Variants in IRGM observed in about 807,000 individuals in gnomAD.
The protein encoded by IRGM is immunity related GTPase M.
For synonymous variants in IRGM, 98 were observed against 80.6 expected, an observed-to-expected ratio of 1.22 and a Z score of -1.16; for missense variants, 288 against 219.9, an observed-to-expected ratio of 1.31 and a Z score of -1.96.
intron 1 of IRGM, among the ~76,000 whole-genome samples, chr5:150,869,964 T>C (rs1242954815): frequency 6.6e-6 from 1 of 152,050 alleles, no homozygotes; most frequent in Non-Finnish European, 1.5e-5. Context: ...TTAAGAGGGA[T>C]TTAAAAAATA....
At chr5:150,850,655 G>A (rs570687484), downstream of IRGM, among the ~76,000 whole-genome samples, 2 of 152,252 alleles carry the variant, frequency 1.3e-5, no homozygotes, top group South Asian at 2.1e-4. Flanking sequence ...TCGAACTCAT[G>A]GTATCTTCCT....
chr5:150,856,910 A>C (rs1454810827), intron 1 of IRGM, among the ~76,000 whole-genome samples: 2 of 70,036 alleles, frequency 2.9e-5, no homozygotes, highest in African/African-American at 3.6e-4. Flanking sequence ...TAAATAAATA[A>C]ATATTTATTA....
chr5:150,856,385 C>G (rs532008219), intron 1 of IRGM, among the ~76,000 whole-genome samples: 1 of 152,072 alleles, frequency 6.6e-6, no homozygotes, highest in African/African-American at 2.4e-5. Context: ...GAGCTGAGAT[C>G]GCACCACTGC....
chr5:150,884,827 G>C (rs761067600), intron 3 of IRGM, among the ~76,000 whole-genome samples: 1 of 152,068 alleles, frequency 6.6e-6, no homozygotes, highest in Non-Finnish European at 1.5e-5. Context: ...ACCTTTGTCA[G>C]ACTCATAGTT....
intron 3 of IRGM, chr5:150,895,483 A>C: frequency 6.2e-7 from 1 of 1,613,074 alleles, no homozygotes; most frequent in South Asian, 1.1e-5. Context: ...TTCTGGATGA[A>C]GGCCTTCCCA....
intron 3 of IRGM, chr5:150,895,779 T>C (rs1428656883): frequency 6.2e-7 from 1 of 1,613,670 alleles, no homozygotes; most frequent in Admixed American, 1.7e-5. Flanking sequence ...TTCTCCAGTA[T>C]GTGTTCTCTG....
chr5:150,852,146 G>A (rs1212006032), downstream of IRGM, among the ~76,000 whole-genome samples: 1 of 152,114 alleles, frequency 6.6e-6, no homozygotes, highest in African/African-American at 2.4e-5. Flanking sequence ...TAAGTAAGCT[G>A]TATAATTTTC....
chr5:150,886,733 G>A (rs1004239451), intron 3 of IRGM, among the ~76,000 whole-genome samples: 4 of 151,852 alleles, frequency 2.6e-5, no homozygotes, highest in African/African-American at 9.7e-5. Flanking sequence ...ATTCCTATGG[G>A]GTTAGGGGTA....
chr5:150,850,811 G>A (rs989284073), downstream of IRGM, among the ~76,000 whole-genome samples: 18 of 152,132 alleles, frequency 1.2e-4, no homozygotes, highest in African/African-American at 2.2e-4. Context: ...GTGAGAGCGA[G>A]CCATGAGTTT....
chr5:150,884,703 G>A (rs192886679), intron 3 of IRGM, among the ~76,000 whole-genome samples: 129 of 152,090 alleles, frequency 8.5e-4, no homozygotes, highest in South Asian at 3.5e-3. Context: ...ATGATTGTTG[G>A]CCACATGTAT....
chr5:150,878,003 C>T (rs1164535956), exon 2 of IRGM: 1 of 457,328 alleles, frequency 2.2e-6, no homozygotes, highest in African/African-American at 2.0e-5. Flanking sequence ...AACAAGTGTA[C>T]CCAAACCACA....
intron 1 of IRGM, 159 bp from the exon 2 acceptor site, chr5:150,847,550 T>G (rs1382824198): frequency 6.5e-6 from 1 of 153,078 alleles, no homozygotes; most frequent in African/African-American, 2.4e-5. Context: ...CCTTTCTTGC[T>G]CCCTGAAGAA....
intron 1 of IRGM, among the ~76,000 whole-genome samples, chr5:150,859,500 T>C (rs1332661796): frequency 6.6e-6 from 1 of 152,232 alleles, no homozygotes; most frequent in Non-Finnish European, 1.5e-5. Flanking sequence ...TCAGAAGGAA[T>C]GGTACCAGCT....
At chr5:150,857,877 C>T (rs1010052109) in intron 1 of IRGM, among the ~76,000 whole-genome samples, 30 of 151,442 alleles carry the variant, frequency 2.0e-4, no homozygotes, top group African/African-American at 6.8e-4. Context: ...TTGTAGGTTG[C>T]CTGTTCACTC....
At position 150,869,421 on chromosome 5, in the gene IRGM, G is replaced by T. The variant is rs566855676; in HGVS notation, c.159-8559G>T. On this transcript the variant is annotated intron_variant and NMD_transcript_variant, in intron 1 of 3. Transcript: ENST00000520549. ...GATTTTTGTATCTATGTTCATCGGG[G>T]ATATTGATCTGTAGTTTTCCTTTTT... Among the ~76,000 whole-genome samples the T allele has an allele frequency of 3.9e-5, 6 of 152,244 alleles. No individual in the cohort carries two copies. In the East Asian group the frequency reaches 7.7e-4, roughly 20 times the overall value.
chr5:150,849,605 CTTTTTTTT>C (rs922246775), downstream of IRGM, among the ~76,000 whole-genome samples: 4 of 128,390 alleles, frequency 3.1e-5, no homozygotes, highest in African/African-American at 1.1e-4. Flanking sequence ...CTTTTTCTCT[CTTTTTTTT>C]TTTTTTTTTT....
chr5:150,898,307 T>C, intron 3 of IRGM: 1 of 1,588,086 alleles, frequency 6.3e-7, no homozygotes, highest in Non-Finnish European at 8.6e-7. Flanking sequence ...TAACCTCCAT[T>C]TGCAAAGGTA....
intron 1 of IRGM, among the ~76,000 whole-genome samples, chr5:150,865,617 T>C (rs1581644580): frequency 6.6e-6 from 1 of 152,154 alleles, no homozygotes; most frequent in African/African-American, 2.4e-5. Context: ...TTACTAGCAA[T>C]GAAGAGGAAA....
chr5:150,874,409 A>G (rs1163738712), intron 1 of IRGM, among the ~76,000 whole-genome samples: 1 of 152,156 alleles, frequency 6.6e-6, no homozygotes, highest in Non-Finnish European at 1.5e-5. Flanking sequence ...GGGACCTTCT[A>G]CCTCAGTAAA....
Sources: allele counts gnomAD v4.1 joint callset (sites outside exome capture counted in the v4.1 genomes callset), GRCh38; gene constraint gnomAD v4.1.1; transcripts MANE v1.5; gene names NCBI Gene and HGNC (gene_info 2026-07-23, HGNC 2026-07-21).